The following RALYL variants were observed in gnomAD, a reference collection of about 807,000 sequenced individuals.
RALYL encodes the protein RNA-binding Raly-like protein.
Under a neutral mutation model 35.1 loss-of-function variants are expected in RALYL, and 29 were observed. The ratio of observed to expected loss-of-function variants is 0.83; its 90% CI spans 0.61 to 1.13. The LOEUF is 1.13. RALYL is among the 50% of genes most tolerant of loss of function. The pLI is 0.00. For synonymous variants in RALYL, 120 were observed against 127.6 expected (o/e 0.94, Z 0.40); for missense variants, 359 against 360.4 (o/e 1.00, Z 0.03).
At chr8:84,529,834 A>G (rs909614284) in intron 2 of RALYL, among the ~76,000 whole-genome samples, 9 of 152,202 alleles carry the variant, frequency 5.9e-5, no homozygotes, top group Admixed American at 4.6e-4. Flanking sequence ...ACAGCCAGGC[A>G]AATAATAAAT....
rs576030671 is a variant in RALYL at position 84,449,851 on chromosome 8, A to G, written c.-23-79448A>G. ...TGACATATGGTAGTATGTTGTATAC[A>G]TAGAGTTTCTCTCACTTGCATCATT... On this transcript the variant is annotated intron_variant, in intron 1 of 8. Transcript: ENST00000521268. 2.6e-4 allele frequency among the ~76,000 whole-genome samples: 40 copies of G among 152,152 alleles called. 2 individuals are homozygous for G. The South Asian group carries it at 6.4e-3, about 24-fold the overall frequency.
intron 1 of RALYL, among the ~76,000 whole-genome samples, chr8:84,483,881 T>C (rs2054313029): frequency 6.6e-6 from 1 of 152,194 alleles, no homozygotes; most frequent in Non-Finnish European, 1.5e-5. Context: ...ATTTGTTTTA[T>C]ACATTCTCTG....
intron 2 of RALYL, among the ~76,000 whole-genome samples, chr8:84,682,248 T>C (rs1410785731): frequency 6.6e-6 from 1 of 152,212 alleles, no homozygotes. Context: ...TTGCCATTAT[T>C]GTATTGAGGA....
At chr8:84,317,101 G>A (rs1843895874) in intron 1 of RALYL, among the ~76,000 whole-genome samples, 1 of 152,022 alleles carries the variant, frequency 6.6e-6, no homozygotes, top group African/African-American at 2.4e-5. Flanking sequence ...AGAGCAGCAG[G>A]GATGAAGCAC....
chr8:84,666,241 G>A (rs1410945407), intron 2 of RALYL, among the ~76,000 whole-genome samples: 1 of 151,962 alleles, frequency 6.6e-6, no homozygotes, highest in African/African-American at 2.4e-5. Flanking sequence ...CTCGTTATTG[G>A]CTTCATGACC....
chr8:84,364,790 A>G (rs1294955954), intron 1 of RALYL, among the ~76,000 whole-genome samples: 1 of 152,152 alleles, frequency 6.6e-6, no homozygotes, highest in Non-Finnish European at 1.5e-5. Flanking sequence ...TCTTTTCATA[A>G]TTGTTCAGCT....
At chr8:84,512,227 T>C (rs991705585) in intron 1 of RALYL, among the ~76,000 whole-genome samples, 1 of 152,004 alleles carries the variant, frequency 6.6e-6, no homozygotes, top group African/African-American at 2.4e-5. Flanking sequence ...GTTATTGTTG[T>C]TATCTTTTTG....
chr8:84,464,305 C>A (rs2051238292), intron 1 of RALYL, among the ~76,000 whole-genome samples: 1 of 151,962 alleles, frequency 6.6e-6, no homozygotes, highest in African/African-American at 2.4e-5. Flanking sequence ...CCCTACCCCA[C>A]AACAGTCCCC....
At chr8:84,719,514 C>T (rs553889230) in intron 2 of RALYL, among the ~76,000 whole-genome samples, 3 of 152,030 alleles carry the variant, frequency 2.0e-5, no homozygotes, top group Admixed American at 2.0e-4. Flanking sequence ...TACTTATATG[C>T]TGGGCAATTT....
At chr8:84,849,955 C>A (rs372112980) in intron 4 of RALYL, 25 bp from the exon 5 acceptor site, 85 of 1,358,994 alleles carry the variant, frequency 6.3e-5, no homozygotes, top group Non-Finnish European at 8.3e-5. Flanking sequence ...CAAATGCCAA[C>A]TAATTTTTTT....
At chr8:84,267,914 C>A (rs1370825493) in intron 1 of RALYL, among the ~76,000 whole-genome samples, 6 of 152,138 alleles carry the variant, frequency 3.9e-5, no homozygotes, top group African/African-American at 1.4e-4. Context: ...TTTGACTATG[C>A]TAGATTCAGT....
intron 8 of RALYL, among the ~76,000 whole-genome samples, chr8:84,913,067 G>GATAGATAT (rs1563856979): frequency 6.6e-6 from 1 of 151,742 alleles, no homozygotes; most frequent in Admixed American, 6.6e-5. Context: ...TAGATAGATA[G>GATAGATAT]ATAGATAGAT....
At position 84,794,091 on chromosome 8, in the gene RALYL, T is replaced by TG. The variant is rs1452990231; in HGVS notation, c.333-10673dup. Among the ~76,000 whole-genome samples, 3 of 152,204 alleles carry TG rather than the reference T, an allele frequency of 2.0e-5. No homozygotes were observed. The South Asian group carries it at 6.2e-4, about 32-fold the overall frequency. On this transcript the variant is annotated intron_variant, in intron 3 of 8. Coordinates refer to ENST00000521268, the MANE Select transcript of RALYL (RefSeq NM_173848.7). ...GCACAGGTGAAGAGTATGGAATGGA[T>TG]GGGGGGCAGCAGGGAGATACATGGA...
intron 2 of RALYL, among the ~76,000 whole-genome samples, chr8:84,565,913 A>G (rs1308674927): frequency 6.6e-6 from 1 of 151,580 alleles, no homozygotes; most frequent in Non-Finnish European, 1.5e-5. Context: ...AAATAGTGCA[A>G]AATTGTTTAT....
At chr8:84,345,929 T>C (rs1449215685) in intron 1 of RALYL, among the ~76,000 whole-genome samples, 2 of 152,114 alleles carry the variant, frequency 1.3e-5, no homozygotes, top group African/African-American at 4.8e-5. Flanking sequence ...TTTACTATTT[T>C]ACTCATACCT....
chr8:84,785,050 T>G (rs1252767340), intron 3 of RALYL, among the ~76,000 whole-genome samples: 1 of 152,192 alleles, frequency 6.6e-6, no homozygotes, highest in Non-Finnish European at 1.5e-5. Context: ...ACAAGGGGCT[T>G]GTTTGAAATA....
rs940762626 is a variant in RALYL at position 84,201,668 on chromosome 8, T to G, written c.-24+17244T>G. ...ATCTTGAACTCCTGAGCATAAGGGA[T>G]CCTCTTGCTTTAGCCTCTCTAGTAG... On this transcript the variant is annotated intron_variant, in intron 1 of 8. Transcript: ENST00000521268. Among the ~76,000 whole-genome samples the G allele has an allele frequency of 2.0e-5, 3 of 151,954 alleles. No individual in the cohort carries two copies. The East Asian group carries it at 5.8e-4, about 29-fold the overall frequency.
At chr8:84,512,030 T>G (rs1273796223) in intron 1 of RALYL, among the ~76,000 whole-genome samples, 1 of 152,184 alleles carries the variant, frequency 6.6e-6, no homozygotes, top group Admixed American at 6.5e-5. Flanking sequence ...TTTGATATGC[T>G]GAATTCCTTT....
intron 5 of RALYL, among the ~76,000 whole-genome samples, chr8:84,855,621 T>C (rs1210624280): frequency 1.3e-5 from 2 of 152,234 alleles, no homozygotes; most frequent in Non-Finnish European, 2.9e-5. Context: ...ATGTAGGACA[T>C]TGTATGTTAA....
Sources: gnomAD v4.1 joint callset for allele counts (sites outside exome capture counted in the v4.1 genomes callset) on GRCh38, gnomAD v4.1.1 for gene constraint, MANE v1.5 for transcripts, NCBI Gene and HGNC (gene_info 2026-07-23, HGNC 2026-07-21) for gene names.